The following ETV6 variants were observed in gnomAD, a reference collection of about 807,000 sequenced individuals.
ETV6 encodes the protein ETS variant transcription factor 6, also known as transcription factor ETV6.
A neutral mutation model predicts 51.1 loss-of-function variants in ETV6; 16 were observed. The observed-to-expected ratio is 0.31, with a 90% confidence interval of 0.21 to 0.48. The LOEUF (loss-of-function observed/expected upper bound fraction) is 0.48, where lower values mean the gene tolerates loss of function less well. Ranked by LOEUF, ETV6 falls within the 20% of genes least tolerant of loss-of-function variation. The probability of loss-of-function intolerance (pLI) is 0.99; values close to 1 mark genes in which losing one functional copy is unlikely to be tolerated. For synonymous variants in ETV6, 240 were observed against 224.1 expected (o/e 1.07, Z -0.64); for missense variants, 458 against 594.8 (o/e 0.77, Z 2.39).
chr12:11,791,170 A>G (rs1478008913), intron 2 of ETV6, among the ~76,000 whole-genome samples: 2 of 151,994 alleles, frequency 1.3e-5, no homozygotes, highest in Non-Finnish European at 2.9e-5. Flanking sequence ...GTAAATTACC[A>G]CCGGTTCTTC....
intron 1 of ETV6, among the ~76,000 whole-genome samples, chr12:11,698,485 T>C (rs968683201): frequency 3.3e-5 from 5 of 152,204 alleles, no homozygotes; most frequent in Admixed American, 2.6e-4. Context: ...TAGTACCTTG[T>C]GGTTGTAGGA....
chr12:11,775,101 A>G (rs1298662946), intron 2 of ETV6, among the ~76,000 whole-genome samples: 2 of 152,200 alleles, frequency 1.3e-5, no homozygotes. Context: ...AGAAGCTTTG[A>G]ACCAGTGATG....
Position 11,859,118 on chromosome 12 carries a change from G to GCT in ETV6, c.463+5557_463+5558insCT, listed in dbSNP as rs1565555150. On this transcript the variant is annotated intron_variant, in intron 4 of 7. Coordinates refer to ENST00000396373, the MANE Select transcript of ETV6 (RefSeq NM_001987.5). ...TAAAGAAGATGAGGTATATGAATCT[G>GCT]GTTTTTTTTTTTTTTTTTTTTTTTT... Among the ~76,000 whole-genome samples the GCT allele has an allele frequency of 9.6e-5, 4 of 41,794 alleles. 2 individuals are homozygous for GCT. Among genetic ancestry groups the GCT allele is most frequent in the African/African-American group, 2.8e-4 (4 of 14,384 alleles). 27.4% of individuals were successfully genotyped at this position (41,794 alleles called of 152,430 possible).
chr12:11,670,389 A>G lies in ETV6; in HGVS notation c.33+20229A>G, dbSNP rs1411848743. ...TAAGAAACTCAGTTTGAGGCTACCA[A>G]TTTTTCAAATAGTGGTCTTAGAAAC... On this transcript the variant is annotated intron_variant, in intron 1 of 7. Transcript: ENST00000396373. 5.3e-5 allele frequency among the ~76,000 whole-genome samples: 8 copies of G among 152,312 alleles called. No homozygotes were observed. The South Asian group carries it at 1.2e-3, about 24-fold the overall frequency.
intron 1 of ETV6, among the ~76,000 whole-genome samples, chr12:11,696,855 TAATTAC>T: frequency 6.6e-6 from 1 of 152,276 alleles, no homozygotes; most frequent in East Asian, 1.9e-4. Context: ...TTCCTTATTA[TAATTAC>T]TAAATATTGT....
intron 2 of ETV6, among the ~76,000 whole-genome samples, chr12:11,786,214 C>T (rs1184623854): frequency 6.6e-6 from 1 of 151,916 alleles, no homozygotes; most frequent in Non-Finnish European, 1.5e-5. Context: ...GGTATGACGC[C>T]ATCATTTCTG....
intron 1 of ETV6, among the ~76,000 whole-genome samples, chr12:11,728,959 A>C (rs1042833386): frequency 6.6e-6 from 1 of 152,234 alleles, no homozygotes; most frequent in Non-Finnish European, 1.5e-5. Flanking sequence ...CTTCTTTAGC[A>C]TTATTTAATA....
intron 1 of ETV6, among the ~76,000 whole-genome samples, chr12:11,682,208 C>T (rs1407619917): frequency 6.6e-6 from 1 of 152,204 alleles, no homozygotes; most frequent in Non-Finnish European, 1.5e-5. Flanking sequence ...TCCTATTTCT[C>T]CACATCCTCT....
At chr12:11,668,389 C>G (rs940924333) in intron 1 of ETV6, among the ~76,000 whole-genome samples, 90 of 149,454 alleles carry the variant, frequency 6.0e-4, no homozygotes, top group African/African-American at 2.2e-3. Context: ...TAAAGGACTT[C>G]GCACTGTTTT....
chr12:11,835,132 G>A (rs180965824), intron 2 of ETV6, among the ~76,000 whole-genome samples: 1 of 152,338 alleles, frequency 6.6e-6, no homozygotes, highest in East Asian at 1.9e-4. Flanking sequence ...TGAAGGATAT[G>A]ACACAATATA....
chr12:11,734,454 A>G (rs1256637259), intron 1 of ETV6, among the ~76,000 whole-genome samples: 1 of 151,704 alleles, frequency 6.6e-6, no homozygotes, highest in African/African-American at 2.4e-5. Flanking sequence ...AAAAAATATA[A>G]AAATTAGCTG....
At chr12:11,821,136 G>A (rs1310381884) in intron 2 of ETV6, among the ~76,000 whole-genome samples, 1 of 152,082 alleles carries the variant, frequency 6.6e-6, no homozygotes, top group Non-Finnish European at 1.5e-5. Flanking sequence ...GCTGAGGTGG[G>A]CGGATCACAA....
intron 1 of ETV6, among the ~76,000 whole-genome samples, chr12:11,654,794 TAGGACTCCTTTG>T (rs947536081): frequency 9.8e-5 from 15 of 152,356 alleles, no homozygotes; most frequent in African/African-American, 3.6e-4. Context: ...TATCTGCTGT[TAGGACTCCTTTG>T]AGGAATCCTT....
intron 1 of ETV6, among the ~76,000 whole-genome samples, chr12:11,705,722 G>T (rs1037992865): frequency 6.6e-6 from 1 of 152,192 alleles, no homozygotes; most frequent in Admixed American, 6.5e-5. Context: ...ACCACAGGGT[G>T]CCCTCATAAT....
intron 1 of ETV6, among the ~76,000 whole-genome samples, chr12:11,670,235 T>G (rs540736575): frequency 2.0e-5 from 3 of 152,328 alleles, no homozygotes; most frequent in East Asian, 3.9e-4. Context: ...CAGTAGATTT[T>G]GGGCAGCTTT....
rs550169714 is a variant in ETV6, at chr12:11,765,719, G to GA, written c.163+13150dup. Among the ~76,000 whole-genome samples the GA allele has an allele frequency of 1.8e-3, 259 of 147,764 alleles. 1 individual carries two copies. The highest frequency in any genetic ancestry group is 3.2e-3 in the South Asian group (15 of 4,648). ...TCCTCAGTGGGAAAGCGTGCATGGG[G>GA]AAAAAAAAAACCACCACCACCCTGG... On this transcript the variant is annotated intron_variant, in intron 2 of 7. Coordinates refer to ENST00000396373, the MANE Select transcript of ETV6 (RefSeq NM_001987.5).
chr12:11,650,285 G>C (rs1379978003), intron 1 of ETV6, 125 bp downstream of exon 1: 1 of 817,274 alleles, frequency 1.2e-6, no homozygotes, highest in African/African-American at 1.7e-5. Flanking sequence ...TATTTGGGGC[G>C]AGAGGGAAAG....
rs1047246169 is a variant in ETV6, at chr12:11,749,710, G to C, written c.34-2740G>C. Reference sequence around the variant, plus strand: ...AAAAAGAGAGACAAAAGGAGTCTCTGTAGTGTGGGATTCCCAAGAGTGTGT... The same window carrying C: ...AAAAAGAGAGACAAAAGGAGTCTCTCTAGTGTGGGATTCCCAAGAGTGTGT... On this transcript the variant is annotated intron_variant, in intron 1 of 7. Coordinates refer to ENST00000396373, the MANE Select transcript of ETV6 (RefSeq NM_001987.5). Among the ~76,000 whole-genome samples the C allele has an allele frequency of 9.9e-5, 15 of 152,284 alleles. No individual in the cohort carries two copies. The South Asian group carries it at 3.1e-3, about 32-fold the overall frequency.
At chr12:11,701,818 G>A (rs1864988552) in intron 1 of ETV6, among the ~76,000 whole-genome samples, 1 of 152,124 alleles carries the variant, frequency 6.6e-6, no homozygotes. Context: ...GTGAGGGAGA[G>A]GTAAGAAGAG....
Sources: gnomAD v4.1 joint callset for allele counts (sites outside exome capture counted in the v4.1 genomes callset) on GRCh38, gnomAD v4.1.1 for gene constraint, MANE v1.5 for transcripts, NCBI Gene and HGNC (gene_info 2026-07-23, HGNC 2026-07-21) for gene names.